KIF1C: variants seen among roughly 807,000 people sequenced by gnomAD.
KIF1C encodes kinesin family member 1C.
A neutral mutation model predicts 126.5 loss-of-function variants in KIF1C; 61 were observed. The observed-to-expected ratio is 0.48, with a 90% CI of 0.39 to 0.60. KIF1C has a LOEUF of 0.60. Among genes scored for constraint, KIF1C ranks in the 20% least tolerant of loss-of-function variants. The pLI is 0.00. For missense variants in KIF1C, 1,315 were observed against 1,489.2 expected, an observed-to-expected ratio of 0.88 and a Z score of 1.93; for synonymous variants, 640 against 580.6, an observed-to-expected ratio of 1.10 and a Z score of -1.47.
chr17:5,004,500 T>C (rs545698899), intron 11 of KIF1C, 67 bp from the exon 12 acceptor site: 3 of 1,469,046 alleles, frequency 2.0e-6, no homozygotes, highest in East Asian at 2.3e-5. Flanking sequence ...GCCCCAGCCC[T>C]GTGACCCGGT....
At position 5,022,055 on chromosome 17, in the gene KIF1C, C is replaced by T. The variant is rs1383647879; in HGVS notation, c.2011-37C>T. On this transcript the variant is annotated intron_variant, in intron 21 of 22. Transcript: ENST00000320785. This position sits in a 1 kb window ranked among gnomAD's most constrained non-coding sequence, Gnocchi z 4.9. Reference sequence around the variant, plus strand: ...CCAAGACACATGGGCTCTGGATGTCCTTAGCCCTCTCTTCCTCTTTCTTTC... The same window carrying T: ...CCAAGACACATGGGCTCTGGATGTCTTTAGCCCTCTCTTCCTCTTTCTTTC... 6.4e-7 allele frequency: 1 copy of T among 1,563,464 alleles called. No individual in the cohort carries two copies. Among genetic ancestry groups the T allele is most frequent in the Non-Finnish European group, 8.7e-7 (1 of 1,153,462 alleles).
intron 18 of KIF1C, 92 bp from the exon 19 acceptor site, chr17:5,019,904 G>T: frequency 1.0e-6 from 1 of 998,584 alleles, no homozygotes; most frequent in South Asian, 1.4e-5. Context: ...TGCATGTGTG[G>T]TTTTTTGGGG....
intron 6 of KIF1C, 88 bp downstream of exon 6, chr17:5,002,212 G>C: frequency 7.8e-7 from 1 of 1,275,848 alleles, no homozygotes; most frequent in Non-Finnish European, 1.1e-6. Flanking sequence ...ATCTAATCCT[G>C]GCTCTGCTGG....
Position 5,000,778 on chromosome 17 carries a change from T to A in KIF1C, c.113T>A (p.Ile38Asn). Residue 38 changes from isoleucine to asparagine, a missense_variant, in exon 4 of 23, where the codon ATC becomes AAC. Physicochemically the swap from Ile to Asn is moderately radical, Grantham distance 149 (BLOSUM62 -3). This residue lies in a region of KIF1C where 874 missense variants were observed against 1,053.2 expected (regional missense o/e 0.83). Transcript: ENST00000320785. Reference sequence around the variant, plus strand: ...ACCCTCTCCTGCCCCTCAGCCATCATCAATCCTAAACAGAGCAAGGATGCC... The same window carrying A: ...ACCCTCTCCTGCCCCTCAGCCATCAACAATCCTAAACAGAGCAAGGATGCC... Reference protein sequence around the residue: ...VSMQGNTTSIINPKQSKDAPK... With the variant: ...VSMQGNTTSINNPKQSKDAPK... 5 of 1,613,986 alleles carry A rather than the reference T, an allele frequency of 3.1e-6. No individual in the cohort carries two copies. The highest frequency in any genetic ancestry group is 4.2e-6 in the Non-Finnish European group (5 of 1,179,918).
At chr17:5,007,983 C>T (rs369053473) in intron 16 of KIF1C, among the ~76,000 whole-genome samples, 3 of 152,094 alleles carry the variant, frequency 2.0e-5, no homozygotes, top group Admixed American at 6.6e-5. Flanking sequence ...TGGAGGCACC[C>T]GTGTAGCTTG....
At chr17:5,014,972 G>C in intron 18 of KIF1C, 135 bp downstream of exon 18, 1 of 704,678 alleles carries the variant, frequency 1.4e-6, no homozygotes, top group African/African-American at 1.8e-5. Flanking sequence ...CTTGTCCTCA[G>C]AGGGGCTTGG....
chr17:5,021,206 C>T (rs1395142960), intron 21 of KIF1C, among the ~76,000 whole-genome samples: 2 of 120,694 alleles, frequency 1.7e-5, no homozygotes, highest in Non-Finnish European at 3.2e-5. Flanking sequence ...GATGGAGTCT[C>T]CTGTCACCCA....
At position 5,002,103 on chromosome 17, in the gene KIF1C, T is replaced by A. The variant is rs1394032078; in HGVS notation, c.408T>A (p.Ala136=). 6.2e-7 allele frequency: 1 copy of A among 1,613,970 alleles called. No homozygotes were observed. Reference sequence around the variant, plus strand: ...CTCGCGTTAGTGAGAACCAGAGTGCTCAGCTATCCTACTCTGTGGAGGTAA... The same window carrying A: ...CTCGCGTTAGTGAGAACCAGAGTGCACAGCTATCCTACTCTGTGGAGGTAA... ...LFSRVSENQS[A]QLSYSVEVSY... The change falls in exon 6 of 23, where the codon GCT becomes GCA. Residue 136 remains alanine, a synonymous_variant. Transcript: ENST00000320785.
intron 17 of KIF1C, 51 bp downstream of exon 17, chr17:5,013,783 C>A: frequency 6.9e-7 from 1 of 1,442,016 alleles, no homozygotes; most frequent in Non-Finnish European, 9.7e-7. Context: ...TGGGGTGTGG[C>A]TGCCAAGGGT....
chr17:5,008,410 T>G (rs1974783183), intron 16 of KIF1C, among the ~76,000 whole-genome samples: 1 of 152,166 alleles, frequency 6.6e-6, no homozygotes, highest in Non-Finnish European at 1.5e-5. Flanking sequence ...GAGCAGAGCA[T>G]GAACTTCCAG....
In KIF1C at chr17:5,024,891, T is replaced by C. The variant is rs1975181020; in HGVS notation, c.*740T>C. The C allele has an allele frequency of 6.6e-6, 1 of 151,464 alleles. No homozygotes were observed. Among genetic ancestry groups the C allele is most frequent in the African/African-American group, 2.4e-5 (1 of 40,876 alleles). 9.4% of individuals were successfully genotyped at this position (151,464 alleles called of 1,614,324 possible). On this transcript the variant is annotated 3_prime_UTR_variant, in exon 23 of 23. Coordinates refer to ENST00000320785, the MANE Select transcript of KIF1C (RefSeq NM_006612.6). ...CACCCTCCTGTCTCTTCCTTCAGGGTGCGCAGCCCGATCTTTTCCCCGCTT... is the reference window on the plus strand; with the variant it reads ...CACCCTCCTGTCTCTTCCTTCAGGGCGCGCAGCCCGATCTTTTCCCCGCTT...
chr17:5,019,666 T>G, intron 18 of KIF1C: 1 of 301,350 alleles, frequency 3.3e-6, no homozygotes, highest in Non-Finnish European at 6.7e-6. Context: ...AAGGCAGAAA[T>G]GACAGGGCCT....
At chr17:5,018,703 CAA>C (rs372234383) in intron 18 of KIF1C, among the ~76,000 whole-genome samples, 2 of 132,976 alleles carry the variant, frequency 1.5e-5, no homozygotes, top group African/African-American at 2.8e-5. Context: ...AACTCCATCT[CAA>C]AAAAAAAAAA....
chr17:5,019,751 G>A, intron 18 of KIF1C: 2 of 552,648 alleles, frequency 3.6e-6, no homozygotes, highest in Non-Finnish European at 6.7e-6. Context: ...GGAGGATAGA[G>A]GTGGGTGAGT....
At position 5,014,800 on chromosome 17, in the gene KIF1C, C is replaced by T. The variant is rs1392235578; in HGVS notation, c.1629C>T (p.His543=). 6.2e-7 allele frequency: 1 copy of T among 1,601,760 alleles called. No homozygotes were observed. Among genetic ancestry groups the T allele is most frequent in the Non-Finnish European group, 8.5e-7 (1 of 1,174,630 alleles). Residue 543 remains histidine, a synonymous_variant, in exon 18 of 23, where the codon CAC becomes CAT. Transcript: ENST00000320785. ...CCGGACAGTTCATTCGGGAGCAACA[C>T]TGTCTGTTCCGGAGCATCCCCCAGC... The part of the protein sequence containing the change: ...KLTGQFIREQ[H]CLFRSIPQPD...
rs1261237797 is a variant in KIF1C, at chr17:5,024,120, CT to C, written c.3282del (p.Asp1095ThrfsTer24). The C allele has an allele frequency of 1.2e-6, 2 of 1,610,812 alleles. No homozygotes were observed. The highest frequency in any genetic ancestry group is 2.7e-5 in the African/African-American group (2 of 74,810). On this transcript the variant is annotated frameshift_variant, in exon 23 of 23. Coordinates refer to ENST00000320785, the MANE Select transcript of KIF1C (RefSeq NM_006612.6). LOFTEE classifies it high-confidence loss of function. ...CGAATGAGACGGCAGCGTTCTGCCC[CT>C]GACCTCAAGGAGAGTGGGGCAGCTG... ...PPRMRRQRSA[P>X]DLKESGAAV
rs745801331 is a variant in KIF1C at position 5,013,750 on chromosome 17, G to C, written c.1571+18G>C. On this transcript the variant is annotated intron_variant, in intron 17 of 22. Coordinates refer to ENST00000320785, the MANE Select transcript of KIF1C (RefSeq NM_006612.6). The stretch of plus-strand genomic sequence containing the variant: ...GTCACCAGGTAGCGTGTACCCAGCG[G>C]CCTGGGGGGCAGCCTCTGCTTTTGG... 6 of 1,603,566 alleles carry C rather than the reference G, an allele frequency of 3.7e-6. No homozygotes were observed. Among genetic ancestry groups the C allele is most frequent in the Middle Eastern group, 1.7e-4 (1 of 6,038 alleles).
chr17:5,007,203 C>CAA, intron 14 of KIF1C, 60 bp from the exon 15 acceptor site: 8 of 1,554,292 alleles, frequency 5.1e-6, no homozygotes, highest in Non-Finnish European at 7.0e-6. Context: ...GGTAGGTTGT[C>CAA]CCTACCCTGG....
In KIF1C at chr17:5,024,025, C is replaced by G. The variant is rs1343089881; in HGVS notation, c.3186C>G (p.Pro1062=). 1.5e-5 allele frequency: 24 copies of G among 1,600,252 alleles called. No individual in the cohort carries two copies. Among genetic ancestry groups the G allele is most frequent in the Non-Finnish European group, 2.0e-5 (23 of 1,172,698 alleles). ...HFQPKKHNSY[P]QPPQPYPAQR... ...AGCCCAAAAAGCACAACTCTTATCC[C>G]CAGCCACCCCAACCCTACCCAGCCC... Residue 1062 remains proline (P), a synonymous_variant, in exon 23 of 23, where the codon CCC becomes CCG. Coordinates refer to ENST00000320785, the MANE Select transcript of KIF1C (RefSeq NM_006612.6).
Sources: allele counts gnomAD v4.1 joint callset (sites outside exome capture counted in the v4.1 genomes callset), GRCh38; gene constraint gnomAD v4.1.1; regional missense constraint gnomAD v4.1.1; non-coding constraint Gnocchi (gnomAD v3.1); transcripts MANE v1.5; gene names NCBI Gene and HGNC (gene_info 2026-07-23, HGNC 2026-07-21).